ROR2: variants seen among roughly 807,000 people sequenced by gnomAD.
ROR2 encodes the protein ROR family WNT receptor 2, also known as tyrosine-protein kinase transmembrane receptor ROR2.
ROR2 carries 33 observed loss-of-function variants against 74.9 expected under a neutral mutation model. That is an observed-to-expected ratio of 0.44 (90% CI 0.33 to 0.59). ROR2 has a LOEUF of 0.59. Among genes scored for constraint, ROR2 ranks in the 20% least tolerant of loss-of-function variants. The pLI is 0.02. For missense variants in ROR2, 1,216 were observed against 1,313.8 expected (o/e 0.93, Z 1.15); for synonymous variants, 586 against 558.7 (o/e 1.05, Z -0.69).
intron 1 of ROR2, among the ~76,000 whole-genome samples, chr9:91,792,148 T>A (rs186567765): frequency 1.3e-5 from 2 of 152,046 alleles, no homozygotes; most frequent in Admixed American, 1.3e-4. Context: ...AGATTTTAAA[T>A]CAACAGCCTA....
At chr9:91,752,393 T>G (rs1215549356) in intron 4 of ROR2, among the ~76,000 whole-genome samples, 2 of 152,200 alleles carry the variant, frequency 1.3e-5, no homozygotes, top group Non-Finnish European at 2.9e-5. Context: ...AAAATGCTAT[T>G]CAGCAATAAA....
At position 91,882,017 on chromosome 9, in the gene ROR2, T is replaced by C. The variant is rs575151380; in HGVS notation, c.97+67850A>G. Among the ~76,000 whole-genome samples, 191 of 152,214 alleles carry C rather than the reference T, an allele frequency of 1.3e-3. 3 individuals are homozygous for C. The highest frequency in any genetic ancestry group is 0.011 in the South Asian group (55 of 4,818). On this transcript the variant is annotated intron_variant, in intron 1 of 8. Coordinates refer to ENST00000375708, the MANE Select transcript of ROR2 (RefSeq NM_004560.4). ...ACACAGGAGCCACCTCTCCTTGTCA[T>C]GTACAGGGAGAAGCCTGAGGAGCCT...
intron 1 of ROR2, among the ~76,000 whole-genome samples, chr9:91,913,318 G>A (rs898311894): frequency 1.3e-5 from 2 of 152,160 alleles, no homozygotes; most frequent in Non-Finnish European, 2.9e-5. Context: ...AGTAGATACC[G>A]GTTGAGCAGA....
chr9:91,829,591 G>A (rs1262425767), intron 1 of ROR2, among the ~76,000 whole-genome samples: 2 of 137,286 alleles, frequency 1.5e-5, no homozygotes, highest in African/African-American at 5.7e-5. Flanking sequence ...TCTCAAAGAA[G>A]GCTGTGAGCT....
At chr9:91,904,767 T>C (rs1272798991) in intron 1 of ROR2, among the ~76,000 whole-genome samples, 1 of 152,178 alleles carries the variant, frequency 6.6e-6, no homozygotes, top group Non-Finnish European at 1.5e-5. Flanking sequence ...CTGCCACCCG[T>C]GGCCTCAGGA....
intron 1 of ROR2, among the ~76,000 whole-genome samples, chr9:91,900,211 C>A (rs2097234743): frequency 6.6e-6 from 1 of 152,176 alleles, no homozygotes; most frequent in Non-Finnish European, 1.5e-5. Context: ...CCCAGGGCCG[C>A]CAGGGGGTGG....
chr9:91,909,838 G>GTTTTTTTTTTTT (rs1278227036), intron 1 of ROR2, among the ~76,000 whole-genome samples: 13 of 63,194 alleles, frequency 2.1e-4, no homozygotes, highest in African/African-American at 4.5e-4. Context: ...TTTTTTTTAG[G>GTTTTTTTTTTTT]TTTGTTTTGT....
At chr9:91,829,574 G>C (rs1263463379) in intron 1 of ROR2, among the ~76,000 whole-genome samples, 1 of 64,106 alleles carries the variant, frequency 1.6e-5, no homozygotes, top group African/African-American at 8.2e-5. Context: ...AAAAAAAAAA[G>C]CACACATCTC....
chr9:91,826,677 G>A (rs766556765), intron 1 of ROR2, among the ~76,000 whole-genome samples: 1 of 151,988 alleles, frequency 6.6e-6, no homozygotes, highest in Non-Finnish European at 1.5e-5. Context: ...CCAGCTACTC[G>A]GGAGGCTGAG....
chr9:91,849,290 G>A (rs1327629349), intron 1 of ROR2, among the ~76,000 whole-genome samples: 1 of 152,218 alleles, frequency 6.6e-6, no homozygotes, highest in East Asian at 1.9e-4. Context: ...CAATCCAGGG[G>A]TGAGGAAAGA....
At chr9:91,806,734 C>T (rs933203183) in intron 1 of ROR2, among the ~76,000 whole-genome samples, 9 of 152,262 alleles carry the variant, frequency 5.9e-5, no homozygotes, top group Non-Finnish European at 8.8e-5. Context: ...GGACTACAGG[C>T]ACCCACCACC....
intron 1 of ROR2, among the ~76,000 whole-genome samples, chr9:91,866,949 C>G (rs1273843823): frequency 6.6e-6 from 1 of 152,174 alleles, no homozygotes; most frequent in African/African-American, 2.4e-5. Flanking sequence ...AGGGTTGGTG[C>G]TACTTGCTTG....
chr9:91,742,327 C>T (rs1331577705), intron 4 of ROR2, among the ~76,000 whole-genome samples: 1 of 152,210 alleles, frequency 6.6e-6, no homozygotes, highest in Non-Finnish European at 1.5e-5. Context: ...CCCTGGATCC[C>T]TCCTGCAACA....
chr9:91,870,540 A>G (rs991328213), intron 1 of ROR2, among the ~76,000 whole-genome samples: 1 of 152,240 alleles, frequency 6.6e-6, no homozygotes, highest in Non-Finnish European at 1.5e-5. Context: ...CTATCTATTT[A>G]CAAACACTGT....
intron 1 of ROR2, among the ~76,000 whole-genome samples, chr9:91,899,400 C>T (rs1003942560): frequency 3.3e-5 from 5 of 152,170 alleles, no homozygotes; most frequent in East Asian, 3.9e-4. Context: ...CCCTGCTTGG[C>T]CTCTTTCCTC....
chr9:91,858,175 C>A (rs1164269173), intron 1 of ROR2, among the ~76,000 whole-genome samples: 1 of 152,252 alleles, frequency 6.6e-6, no homozygotes, highest in Non-Finnish European at 1.5e-5. Flanking sequence ...GTTCCTACAG[C>A]TTCCAACCTG....
At chr9:91,790,994 C>G (rs985578855) in intron 1 of ROR2, among the ~76,000 whole-genome samples, 1 of 152,072 alleles carries the variant, frequency 6.6e-6, no homozygotes, top group Admixed American at 6.5e-5. Flanking sequence ...AAAAGGTTAC[C>G]TTAAGCTAAG....
At chr9:91,757,685 T>A (rs1825804004) in intron 2 of ROR2, 126 bp from the exon 3 acceptor site, 1 of 982,736 alleles carries the variant, frequency 1.0e-6, no homozygotes, top group Admixed American at 2.1e-5. Flanking sequence ...TAAAATAGGT[T>A]GTTATCTGCG....
rs150731797 is a variant in ROR2, at chr9:91,851,325, C to T, written c.98-75507G>A. ...TGAAATCACGCCACTGCACACTCCA[C>T]CCTGGGCGACAGAGCAAGACTCCGT... On this transcript the variant is annotated intron_variant, in intron 1 of 8. Coordinates refer to ENST00000375708, the MANE Select transcript of ROR2 (RefSeq NM_004560.4). Among the ~76,000 whole-genome samples the T allele has an allele frequency of 2.6e-3, 385 of 149,284 alleles. 1 individual carries two copies. Among genetic ancestry groups the T allele is most frequent in the African/African-American group, 9.0e-3 (361 of 40,274 alleles).
Sources: gnomAD v4.1 joint callset for allele counts (sites outside exome capture counted in the v4.1 genomes callset) on GRCh38, gnomAD v4.1.1 for gene constraint, MANE v1.5 for transcripts, NCBI Gene and HGNC (gene_info 2026-07-23, HGNC 2026-07-21) for gene names.